Variants in KLHL4 observed in about 807,000 individuals in gnomAD.
KLHL4 encodes kelch-like protein 4.
In KLHL4, 17 loss-of-function variants were observed where a neutral mutation model predicts 45.8. That is an observed-to-expected ratio of 0.37 (90% CI 0.25 to 0.56). The LOEUF is 0.56. KLHL4 is among the 20% of genes least tolerant of loss of function. The pLI is 0.79. For missense variants in KLHL4, 544 were observed against 544.9 expected, an observed-to-expected ratio of 1.00 and a Z score of 0.02; for synonymous variants, 224 against 189.9, an observed-to-expected ratio of 1.18 and a Z score of -1.47.
intron 9 of KLHL4, among the ~76,000 whole-genome samples, chrX:87,656,440 C>A (rs991644310): frequency 1.8e-5 from 2 of 108,647 alleles, no homozygotes; most frequent in African/African-American, 6.7e-5. Context: ...TCTTCAAGCT[C>A]TGAGATTCTT....
At chrX:87,566,906 C>T (rs911134333) in intron 1 of KLHL4, among the ~76,000 whole-genome samples, 9 of 110,832 alleles carry the variant, frequency 8.1e-5, no homozygotes, top group Admixed American at 5.8e-4. Flanking sequence ...CACGATGAGG[C>T]GTTTTGGAGG....
At chrX:87,647,181 A>G (rs1923666234) in intron 9 of KLHL4, among the ~76,000 whole-genome samples, 1 of 112,032 alleles carries the variant, frequency 8.9e-6, no homozygotes, top group South Asian at 3.7e-4. Context: ...CAAAAGCACA[A>G]TGCAATACTA....
intron 1 of KLHL4, among the ~76,000 whole-genome samples, chrX:87,604,317 T>C (rs1482817886): frequency 9.0e-6 from 1 of 111,400 alleles, no homozygotes; most frequent in Admixed American, 9.6e-5. Flanking sequence ...GTAGTACTAT[T>C]TGTATTTTTT....
intron 9 of KLHL4, among the ~76,000 whole-genome samples, chrX:87,653,326 TG>T (rs1263599712): frequency 3.6e-5 from 4 of 111,993 alleles, no homozygotes; most frequent in Non-Finnish European, 7.5e-5. Context: ...TTGTCAGCTT[TG>T]TCAACACTTC....
At position 87,554,968 on chromosome X, in the gene KLHL4, G is replaced by C. The variant is rs1288501719; in HGVS notation, c.422+36653G>C. Among the ~76,000 whole-genome samples the C allele has an allele frequency of 2.8e-5, 3 of 106,299 alleles. No homozygotes were observed. The East Asian group carries it at 9.4e-4, about 33-fold the overall frequency. 92.3% of individuals were successfully genotyped at this position (106,299 alleles called of 115,157 possible). A position where few individuals can be genotyped will look rare whatever the true frequency, so the allele number is the denominator to read the frequency against. On this transcript the variant is annotated intron_variant, in intron 1 of 10. Transcript: ENST00000373119. Reference sequence around the variant, plus strand: ...GTCAAAGGCCTTTTCTGCATCTATTGAGATAAGCATGTGGTTTTTGTCTTT... The same window carrying C: ...GTCAAAGGCCTTTTCTGCATCTATTCAGATAAGCATGTGGTTTTTGTCTTT...
At chrX:87,601,362 G>C (rs1922011029) in intron 1 of KLHL4, among the ~76,000 whole-genome samples, 1 of 111,519 alleles carries the variant, frequency 9.0e-6, no homozygotes, top group Non-Finnish European at 1.9e-5. Context: ...TTTCCTTAAA[G>C]CAGGTTGCCC....
At chrX:87,536,100 T>C (rs1047975509) in intron 1 of KLHL4, among the ~76,000 whole-genome samples, 8 of 111,357 alleles carry the variant, frequency 7.2e-5, no homozygotes, top group African/African-American at 2.6e-4. Flanking sequence ...AACGAACTAA[T>C]ACATTTGGGT....
intron 1 of KLHL4, among the ~76,000 whole-genome samples, chrX:87,521,656 A>G (rs1931003967): frequency 8.9e-6 from 1 of 112,023 alleles, no homozygotes; most frequent in East Asian, 2.8e-4. Context: ...AGAAGACAGA[A>G]TGTCTGACTC....
chrX:87,532,441 T>G (rs1282732267), intron 1 of KLHL4, among the ~76,000 whole-genome samples: 1 of 109,741 alleles, frequency 9.1e-6, no homozygotes, highest in Non-Finnish European at 1.9e-5. Flanking sequence ...CCATATGAAC[T>G]TTAAGGTAGT....
At chrX:87,666,348 C>T in intron 10 of KLHL4, 127 bp from the exon 11 acceptor site, 1 of 555,132 alleles carries the variant, frequency 1.8e-6, no homozygotes, top group Non-Finnish European at 2.6e-6. Context: ...CAGATTATCT[C>T]ATCTTTAGAC....
At chrX:87,648,654 TA>T (rs2147834776) in intron 9 of KLHL4, among the ~76,000 whole-genome samples, 1 of 106,963 alleles carries the variant, frequency 9.3e-6, no homozygotes, top group African/African-American at 3.8e-5. Context: ...AAAGGATGAA[TA>T]TTATTTTTTT....
intron 1 of KLHL4, among the ~76,000 whole-genome samples, chrX:87,553,339 A>C (rs1223739603): frequency 9.0e-6 from 1 of 110,698 alleles, no homozygotes; most frequent in South Asian, 3.6e-4. Flanking sequence ...ATCAATAATT[A>C]GTTAATGAAA....
At chrX:87,663,725 A>C (rs1277191364) in intron 9 of KLHL4, among the ~76,000 whole-genome samples, 1 of 112,334 alleles carries the variant, frequency 8.9e-6, no homozygotes, top group Non-Finnish European at 1.9e-5. Context: ...TCTGAATTTA[A>C]AGTGATATGC....
intron 1 of KLHL4, among the ~76,000 whole-genome samples, chrX:87,609,520 G>A (rs748491307): frequency 1.3e-4 from 15 of 112,177 alleles, no homozygotes; most frequent in East Asian, 2.8e-4. Flanking sequence ...GTGATGATGA[G>A]CATTTTTTCA....
At chrX:87,563,857 G>GA (rs1261572687) in intron 1 of KLHL4, among the ~76,000 whole-genome samples, 1 of 110,799 alleles carries the variant, frequency 9.0e-6, no homozygotes, top group Non-Finnish European at 1.9e-5. Flanking sequence ...AAGCAACAAG[G>GA]AAAAAGATAC....
rs979488532 is a variant in KLHL4, at chrX:87,630,996, G to A, written c.1325-1214G>A. On this transcript the variant is annotated intron_variant, in intron 6 of 10. Coordinates refer to ENST00000373119, the MANE Select transcript of KLHL4 (RefSeq NM_019117.5). ...AGGGTCCTGGAAAAATGGGTTTCCA[G>A]ATCTGTGCTGAAATGCAGGGGGGTT... is the stretch of plus-strand genomic sequence containing the variant. 3.6e-5 allele frequency among the ~76,000 whole-genome samples: 4 copies of A among 111,330 alleles called. No individual in the cohort carries two copies. In the Admixed American group the frequency reaches 3.8e-4, roughly 11 times the overall value.
intron 4 of KLHL4, among the ~76,000 whole-genome samples, chrX:87,618,557 G>A (rs1416539948): frequency 1.8e-5 from 2 of 111,658 alleles, no homozygotes; most frequent in African/African-American, 6.5e-5. Flanking sequence ...ACCAAAATTA[G>A]TGGCGCAATC....
At chrX:87,530,745 C>T (rs1196017701) in intron 1 of KLHL4, among the ~76,000 whole-genome samples, 1 of 101,204 alleles carries the variant, frequency 9.9e-6, no homozygotes, top group Admixed American at 1.1e-4. Context: ...GTGCATGTGT[C>T]TTTATAGCAG....
chrX:87,551,907 A>T (rs921228062), intron 1 of KLHL4, among the ~76,000 whole-genome samples: 2 of 111,876 alleles, frequency 1.8e-5, no homozygotes, highest in African/African-American at 6.5e-5. Flanking sequence ...TCAACTCAAG[A>T]GGGATTAAGG....
Sources: gnomAD v4.1 joint callset for allele counts (sites outside exome capture counted in the v4.1 genomes callset) on GRCh38, gnomAD v4.1.1 for gene constraint, MANE v1.5 for transcripts, NCBI Gene and HGNC (gene_info 2026-07-23, HGNC 2026-07-21) for gene names.